ZMYM2: variants seen among roughly 807,000 people sequenced by gnomAD.
ZMYM2 encodes zinc finger MYM-type containing 2.
In ZMYM2, 56 loss-of-function variants were observed where a neutral mutation model predicts 162.8. The observed-to-expected ratio is 0.34, with a 90% CI of 0.28 to 0.43. The LOEUF (loss-of-function observed/expected upper bound fraction) is 0.43. ZMYM2 is among the 20% of genes least tolerant of loss of function. The pLI, the probability that ZMYM2 is intolerant of heterozygous loss-of-function variation, is 1.00. For synonymous variants in ZMYM2, 510 were observed against 541.6 expected, an observed-to-expected ratio of 0.94 and a Z score of 0.81; for missense variants, 1,275 against 1,621.8, an observed-to-expected ratio of 0.79 and a Z score of 3.67.
chr13:19,890,781 A>G, the ZMYM2 span, among the ~76,000 whole-genome samples: 1 of 151,460 alleles, frequency 6.6e-6, no homozygotes, highest in Non-Finnish European at 1.5e-5. Flanking sequence ...CTGAGGCAGG[A>G]GAATGTCGTG....
intron 12 of ZMYM2, among the ~76,000 whole-genome samples, chr13:20,040,755 CCT>C (rs1954177430): frequency 6.6e-6 from 1 of 152,090 alleles, no homozygotes; most frequent in African/African-American, 2.4e-5. Context: ...TATAAATTTC[CCT>C]CTCAACACTG....
intron 12 of ZMYM2, among the ~76,000 whole-genome samples, chr13:20,048,835 T>C (rs1277285095): frequency 6.6e-6 from 1 of 151,850 alleles, no homozygotes; most frequent in Non-Finnish European, 1.5e-5. Flanking sequence ...TCCCTCTTAG[T>C]TTGCTATCCT....
chr13:20,028,709 A>G (rs1470667391), intron 9 of ZMYM2, among the ~76,000 whole-genome samples: 2 of 152,188 alleles, frequency 1.3e-5, no homozygotes, highest in Non-Finnish European at 2.9e-5. Flanking sequence ...TTAATATCTA[A>G]TGCCATGTAA....
At chr13:19,941,017 G>A in the ZMYM2 span, among the ~76,000 whole-genome samples, 1 of 152,066 alleles carries the variant, frequency 6.6e-6, no homozygotes, top group South Asian at 2.1e-4. Flanking sequence ...TAGTAGTTAA[G>A]ACAAAAACTT....
the ZMYM2 span, among the ~76,000 whole-genome samples, chr13:19,866,600 G>A: frequency 3.3e-5 from 5 of 152,180 alleles, no homozygotes; most frequent in Non-Finnish European, 5.9e-5. Context: ...GGGAGGTGGG[G>A]TTGCGGTGAG....
At chr13:19,939,185 A>G in the ZMYM2 span, among the ~76,000 whole-genome samples, 1 of 151,574 alleles carries the variant, frequency 6.6e-6, no homozygotes, top group Non-Finnish European at 1.5e-5. Flanking sequence ...CACCACGCCC[A>G]GCTAATTTTT....
the ZMYM2 span, among the ~76,000 whole-genome samples, chr13:19,912,125 A>G: frequency 6.6e-6 from 1 of 152,184 alleles, no homozygotes; most frequent in Non-Finnish European, 1.5e-5. Context: ...ACTGGTATGC[A>G]GCTATTGAGT....
intron 2 of ZMYM2, among the ~76,000 whole-genome samples, chr13:19,992,282 A>G (rs1034542189): frequency 1.3e-5 from 2 of 152,222 alleles, no homozygotes; most frequent in African/African-American, 2.4e-5. Flanking sequence ...GCCAGGCACA[A>G]TGGCCCATGC....
the ZMYM2 span, among the ~76,000 whole-genome samples, chr13:19,945,872 T>C: frequency 8.8e-5 from 13 of 147,868 alleles, no homozygotes; most frequent in Admixed American, 7.6e-4. Flanking sequence ...TTGCTTGAAC[T>C]TGGGAGGCAG....
chr13:19,877,506 T>G, the ZMYM2 span, among the ~76,000 whole-genome samples: 4 of 152,236 alleles, frequency 2.6e-5, no homozygotes, highest in African/African-American at 7.2e-5. Context: ...CAGCTATTCA[T>G]GAGGGATCCA....
chr13:19,931,211 T>C, the ZMYM2 span, among the ~76,000 whole-genome samples: 1 of 151,860 alleles, frequency 6.6e-6, no homozygotes, highest in Non-Finnish European at 1.5e-5. Flanking sequence ...TTCTCTATTG[T>C]GTGCTTTCTA....
the ZMYM2 span, among the ~76,000 whole-genome samples, chr13:19,903,422 G>A: frequency 5.0e-5 from 7 of 140,094 alleles, no homozygotes; most frequent in East Asian, 2.1e-4. Flanking sequence ...GGCGGATCAC[G>A]AGGTTAGGAG....
At chr13:19,986,381 A>G (rs1385598784) in intron 2 of ZMYM2, among the ~76,000 whole-genome samples, 1 of 151,934 alleles carries the variant, frequency 6.6e-6, no homozygotes, top group Non-Finnish European at 1.5e-5. Context: ...CAAAAAAAAA[A>G]AGAAGGGTGA....
chr13:20,055,949 G>GT (rs1955763713), intron 14 of ZMYM2, among the ~76,000 whole-genome samples: 1 of 152,160 alleles, frequency 6.6e-6, no homozygotes, highest in African/African-American at 2.4e-5. Flanking sequence ...GTTGAGGCGA[G>GT]TTTTGCAGAT....
intron 2 of ZMYM2, among the ~76,000 whole-genome samples, chr13:19,975,393 C>T (rs756789720): frequency 1.3e-5 from 2 of 152,272 alleles, no homozygotes; most frequent in Middle Eastern, 3.4e-3. Context: ...CCTTCTGTAT[C>T]GAACTACCTC....
chr13:19,869,702 C>T, the ZMYM2 span, among the ~76,000 whole-genome samples: 2 of 151,980 alleles, frequency 1.3e-5, no homozygotes, highest in East Asian at 1.9e-4. Flanking sequence ...GGCTGAGGAT[C>T]GCTTGAGCCC....
At chr13:19,937,377 A>T in the ZMYM2 span, among the ~76,000 whole-genome samples, 3 of 150,690 alleles carry the variant, frequency 2.0e-5, no homozygotes, top group Non-Finnish European at 3.0e-5. Flanking sequence ...TGACCTCGTG[A>T]TCCGCCCGCC....
At chr13:19,897,569 A>G in the ZMYM2 span, among the ~76,000 whole-genome samples, 3 of 150,032 alleles carry the variant, frequency 2.0e-5, no homozygotes, top group Non-Finnish European at 3.0e-5. Context: ...AAAAAAAAAG[A>G]AAAAGAAAAA....
At position 20,027,229 on chromosome 13, in the gene ZMYM2, A is replaced by G; in HGVS notation, c.1762A>G (p.Lys588Glu). 1 of 1,580,526 alleles carries G rather than the reference A, an allele frequency of 6.3e-7. No homozygotes were observed. The highest frequency in any genetic ancestry group is 8.6e-7 in the Non-Finnish European group (1 of 1,161,462). The change falls in exon 9 of 25, where the codon AAG becomes GAG. Residue 588 changes from lysine (K) to glutamate (E), a missense_variant. Lys to Glu is a moderately conservative substitution (Grantham distance 56, BLOSUM62 1). Coordinates refer to ENST00000610343, the MANE Select transcript of ZMYM2 (RefSeq NM_197968.4). ...QSLGIICHFC[K>E]RNSLPQYQAT... Reference sequence around the variant, plus strand: ...TTTGGGAATTATTTGCCATTTTTGTAAGCGAAACTCTTTACCTCAATACCA... The same window carrying G: ...TTTGGGAATTATTTGCCATTTTTGTGAGCGAAACTCTTTACCTCAATACCA...
Sources: gnomAD v4.1 joint callset for allele counts (sites outside exome capture counted in the v4.1 genomes callset) on GRCh38, gnomAD v4.1.1 for gene constraint, MANE v1.5 for transcripts, NCBI Gene and HGNC (gene_info 2026-07-23, HGNC 2026-07-21) for gene names.